The following CLMN variants were observed in gnomAD, a reference collection of about 807,000 sequenced individuals.
CLMN encodes the protein calmin (calponin-like, transmembrane).
A neutral mutation model predicts 92.7 loss-of-function variants in CLMN; 57 were observed. The ratio of observed to expected loss-of-function variants is 0.61; its 90% confidence interval spans 0.50 to 0.77. The LOEUF (loss-of-function observed/expected upper bound fraction) is 0.77. CLMN is among the 30% of genes least tolerant of loss of function. The probability of loss-of-function intolerance (pLI) is 0.00; values close to 1 mark genes in which losing one functional copy is unlikely to be tolerated. For synonymous variants in CLMN, 466 were observed against 470.6 expected (o/e 0.99, Z 0.13); for missense variants, 1,158 against 1,237.5 (o/e 0.94, Z 0.96).
Position 95,190,517 on chromosome 14 carries a change from A to G in CLMN, c.*1047T>C, listed in dbSNP as rs188838283. On this transcript the variant is annotated 3_prime_UTR_variant, in exon 13 of 13. Coordinates refer to ENST00000298912, the MANE Select transcript of CLMN (RefSeq NM_024734.4). ...ACCTGAGTCTTGGCAGGGAGGAGAG[A>G]GCAGAGGGAGCCTGGGGCTGAGGAA... 186 of 152,646 alleles carry G rather than the reference A, an allele frequency of 1.2e-3. 2 individuals are homozygous for G. Among genetic ancestry groups the G allele is most frequent in the Admixed American group, 0.012 (183 of 15,306 alleles). 9.5% of individuals were successfully genotyped at this position (152,646 alleles called of 1,614,324 possible). A position where few individuals can be genotyped will look rare whatever the true frequency, so the allele number is the denominator to read the frequency against.
chr14:95,285,137 T>C (rs1900290865), intron 1 of CLMN, among the ~76,000 whole-genome samples: 1 of 152,156 alleles, frequency 6.6e-6, no homozygotes, highest in African/African-American at 2.4e-5. Context: ...TCTTTCTCAT[T>C]TTCTCTCGCC....
Position 95,209,540 on chromosome 14 carries a change from C to T in CLMN, c.803-63G>A, listed in dbSNP as rs1320261916. On this transcript the variant is annotated intron_variant, in intron 7 of 12. Coordinates refer to ENST00000298912, the MANE Select transcript of CLMN (RefSeq NM_024734.4). ...ACACACACGCTTTCAATAGTATTCCCGGATGCCTGATGGTGAAGAATCCCA... is the reference window on the plus strand; with the variant it reads ...ACACACACGCTTTCAATAGTATTCCTGGATGCCTGATGGTGAAGAATCCCA... 33 of 1,272,734 alleles carry T rather than the reference C, an allele frequency of 2.6e-5. No homozygotes were observed. In the South Asian group the frequency reaches 2.9e-4, roughly 11 times the overall value. 78.8% of individuals were successfully genotyped at this position (1,272,734 alleles called of 1,614,324 possible).
intron 1 of CLMN, among the ~76,000 whole-genome samples, chr14:95,284,810 A>G (rs1164438060): frequency 1.3e-5 from 2 of 152,196 alleles, no homozygotes; most frequent in South Asian, 2.1e-4. Context: ...CTTGTCTCAG[A>G]TAAGACTTTG....
intron 9 of CLMN, among the ~76,000 whole-genome samples, chr14:95,197,061 C>T (rs1896736811): frequency 1.3e-5 from 2 of 152,220 alleles, no homozygotes; most frequent in South Asian, 2.1e-4. Flanking sequence ...TTATTAACCA[C>T]ATCCCACTAT....
intron 1 of CLMN, among the ~76,000 whole-genome samples, chr14:95,311,920 G>A (rs1001648981): frequency 1.3e-5 from 2 of 151,740 alleles, no homozygotes; most frequent in African/African-American, 2.4e-5. Flanking sequence ...TGACTCATGC[G>A]GGCCTCTTCC....
Position 95,219,695 on chromosome 14 carries a change from T to C in CLMN, c.324+1996A>G, listed in dbSNP as rs114602487. On this transcript the variant is annotated intron_variant, in intron 4 of 12. Coordinates refer to ENST00000298912, the MANE Select transcript of CLMN (RefSeq NM_024734.4). ...AAACAGTCCTCCGTACTCCAGGACC[T>C]GTGCTGGCCCACGTTTGGCCAGAGG... Among the ~76,000 whole-genome samples the C allele has an allele frequency of 2.3e-3, 345 of 152,336 alleles. 1 individual carries two copies. The highest frequency in any genetic ancestry group is 7.8e-3 in the African/African-American group (324 of 41,574).
chr14:95,195,453 G>A (rs993405502), intron 10 of CLMN, among the ~76,000 whole-genome samples: 2 of 152,216 alleles, frequency 1.3e-5, no homozygotes, highest in East Asian at 1.9e-4. Context: ...CAGAAGCAAG[G>A]CAGAGGGAGG....
intron 1 of CLMN, among the ~76,000 whole-genome samples, chr14:95,278,028 T>C (rs552110544): frequency 6.6e-6 from 1 of 152,352 alleles, no homozygotes; most frequent in Admixed American, 6.5e-5. Flanking sequence ...TTACTGATTC[T>C]TTCCCTCTCC....
intron 1 of CLMN, among the ~76,000 whole-genome samples, chr14:95,254,249 C>G (rs532672440): frequency 1.3e-5 from 2 of 152,198 alleles, no homozygotes; most frequent in Non-Finnish European, 1.5e-5. Context: ...AGGCCACCCC[C>G]CAAGGTCAGC....
intron 3 of CLMN, 91 bp downstream of exon 3, chr14:95,223,669 G>A (rs1897618140): frequency 1.1e-6 from 1 of 951,722 alleles, no homozygotes; most frequent in Non-Finnish European, 1.6e-6. Flanking sequence ...CTTATTATAG[G>A]ATATGTCCAG....
chr14:95,259,576 G>C lies in CLMN; in HGVS notation c.83-29443C>G, dbSNP rs1320041830. On this transcript the variant is annotated intron_variant, in intron 1 of 12. Coordinates refer to ENST00000298912, the MANE Select transcript of CLMN (RefSeq NM_024734.4). This position sits in a 1 kb window ranked among gnomAD's most constrained non-coding sequence, Gnocchi z 4.3. ...GAGCAGGCCAGGGAAACGAGATCTT[G>C]ATCTGTTTGGGAATCCTGTTTTTGT... is the stretch of plus-strand genomic sequence containing the variant. 1.3e-5 allele frequency among the ~76,000 whole-genome samples: 2 copies of C among 152,138 alleles called. No homozygotes were observed. Among genetic ancestry groups the C allele is most frequent in the Admixed American group, 1.3e-4 (2 of 15,276 alleles).
rs1901317380 is a variant in CLMN, at chr14:95,307,105, G to C, written c.82+12606C>G. Among the ~76,000 whole-genome samples the C allele has an allele frequency of 2.6e-5, 4 of 152,186 alleles. No homozygotes were observed. In the South Asian group the frequency reaches 8.3e-4, roughly 32 times the overall value. ...ATTGATGAAGACATATGACCTCACT[G>C]AATGTTCTAGCAACCAGGAGAAGTT... On this transcript the variant is annotated intron_variant, in intron 1 of 12. Transcript: ENST00000298912.
In CLMN at chr14:95,190,324, T is replaced by A. The variant is rs1425398760; in HGVS notation, c.*1240A>T. On this transcript the variant is annotated 3_prime_UTR_variant, in exon 13 of 13. Transcript: ENST00000298912. Reference sequence around the variant, plus strand: ...GTGCTCACTGCAAGTCTGCCCCTGGTCGGCTATATGATCTTGGTCAAGCTG... The same window carrying A: ...GTGCTCACTGCAAGTCTGCCCCTGGACGGCTATATGATCTTGGTCAAGCTG... 6.6e-6 allele frequency: 1 copy of A among 152,274 alleles called. No individual in the cohort carries two copies. Among genetic ancestry groups the A allele is most frequent in the Admixed American group, 6.5e-5 (1 of 15,286 alleles). The allele number at this position is 152,274 out of a possible 1,614,324, so 9.4% of individuals were successfully genotyped here. A position where few individuals can be genotyped will look rare whatever the true frequency, so the allele number is the denominator to read the frequency against.
intron 1 of CLMN, among the ~76,000 whole-genome samples, chr14:95,265,075 A>G (rs1178954788): frequency 6.6e-6 from 1 of 151,934 alleles, no homozygotes; most frequent in Non-Finnish European, 1.5e-5. Flanking sequence ...CCCTGTCTCT[A>G]CAAAAAAAAT....
chr14:95,213,983 ACTCCTACTCATCCTTCAAAACCCAGCT>A (rs1897263095), intron 5 of CLMN, among the ~76,000 whole-genome samples: 2 of 151,334 alleles, frequency 1.3e-5, no homozygotes, highest in South Asian at 4.2e-4. Flanking sequence ...GGTCTAGCGC[ACTCCTACTCATCCTTCAAAACCCAGCT>A]CTGGTGTCAC....
At chr14:95,224,703 G>A (rs972476842) in intron 2 of CLMN, among the ~76,000 whole-genome samples, 2 of 151,534 alleles carry the variant, frequency 1.3e-5, no homozygotes, top group East Asian at 1.9e-4. Flanking sequence ...AGGGCTGAAC[G>A]CAAGTGTACC....
At chr14:95,211,240 G>A (rs1194033418) in intron 6 of CLMN, among the ~76,000 whole-genome samples, 1 of 152,214 alleles carries the variant, frequency 6.6e-6, no homozygotes, top group Non-Finnish European at 1.5e-5. Context: ...ACACAAGTTT[G>A]TACCTCAGCT....
rs564016319 is a variant in CLMN, at chr14:95,218,218, G to T, written c.325-2485C>A. Among the ~76,000 whole-genome samples the T allele has an allele frequency of 2.6e-3, 395 of 152,304 alleles. 1 individual carries two copies. Among genetic ancestry groups the T allele is most frequent in the African/African-American group, 8.9e-3 (368 of 41,556 alleles). On this transcript the variant is annotated intron_variant, in intron 4 of 12. Coordinates refer to ENST00000298912, the MANE Select transcript of CLMN (RefSeq NM_024734.4). ...TCACATGTAGGGTGATAACTCAGGGGCCTGGTAAGTGATGACAGCCATCCC... is the reference window on the plus strand; with the variant it reads ...TCACATGTAGGGTGATAACTCAGGGTCCTGGTAAGTGATGACAGCCATCCC...
intron 1 of CLMN, among the ~76,000 whole-genome samples, chr14:95,239,705 G>C (rs944366688): frequency 6.6e-6 from 1 of 152,212 alleles, no homozygotes; most frequent in African/African-American, 2.4e-5. Flanking sequence ...CAGTAAATGA[G>C]AGGCTCTGAT....
Sources: gnomAD v4.1 joint callset for allele counts (sites outside exome capture counted in the v4.1 genomes callset) on GRCh38, gnomAD v4.1.1 for gene constraint, Gnocchi (gnomAD v3.1) non-coding constraint, MANE v1.5 for transcripts, NCBI Gene and HGNC (gene_info 2026-07-23, HGNC 2026-07-21) for gene names.